Variants in TENM2 observed in about 807,000 individuals in gnomAD.
The protein encoded by TENM2 is teneurin transmembrane protein 2.
Under a neutral mutation model 245.2 loss-of-function variants are expected in TENM2, and 52 were observed. That is an observed-to-expected ratio of 0.21 (90% CI 0.17 to 0.27). TENM2 has a LOEUF of 0.27. TENM2 is among the 10% of genes least tolerant of loss of function. The pLI, the probability that TENM2 is intolerant of heterozygous loss-of-function variation, is 1.00. For missense variants in TENM2, 3,046 were observed against 3,666.8 expected (o/e 0.83, Z 4.37); for synonymous variants, 1,363 against 1,438.9 (o/e 0.95, Z 1.19).
At chr5:168,021,387 G>C (rs1439421019) in intron 5 of TENM2, among the ~76,000 whole-genome samples, 1 of 152,194 alleles carries the variant, frequency 6.6e-6, no homozygotes, top group Non-Finnish European at 1.5e-5. Context: ...CACCAAAGTG[G>C]AGTGACCCAT....
chr5:167,276,350 TTTTGTGTGTGTG>T, the TENM2 span, among the ~76,000 whole-genome samples: 3,177 of 143,660 alleles, frequency 0.022, 44 homozygotes, highest in Middle Eastern at 0.028. Context: ...AGCCTGTTCA[TTTTGTGTGTGTG>T]TGTGTGTGTG....
chr5:167,212,524 C>T, the TENM2 span, among the ~76,000 whole-genome samples: 3 of 152,158 alleles, frequency 2.0e-5, no homozygotes, highest in African/African-American at 4.8e-5. Context: ...AAATACAACA[C>T]CGTCCCTGTA....
chr5:167,292,330 C>T lies in TENM2; in HGVS notation c.226+7267C>T, dbSNP rs192217273. Among the ~76,000 whole-genome samples, 413 of 152,292 alleles carry T rather than the reference C, an allele frequency of 2.7e-3. 3 individuals carry two copies. Among genetic ancestry groups the T allele is most frequent in the African/African-American group, 9.4e-3 (389 of 41,570 alleles). ...CAAAATTTGTTTCCGTTTTTCATTT[C>T]TCAGCTTTGGGGAATGGTATCACAG... On this transcript the variant is annotated intron_variant, in intron 1 of 28. Transcript: ENST00000518659.
chr5:167,577,800 A>C (rs1347923195), intron 2 of TENM2, among the ~76,000 whole-genome samples: 2 of 152,180 alleles, frequency 1.3e-5, no homozygotes, highest in African/African-American at 4.8e-5. Flanking sequence ...CAACAACAAA[A>C]GATGCCTCTC....
rs373177663 is a variant in TENM2, at chr5:168,234,451, T to C, written c.5520+6321T>C. On this transcript the variant is annotated intron_variant, in intron 25 of 28. Transcript: ENST00000518659. ...ACAGGGAAGCCCTAGAAAAAAGAGGTGCCGTACCCAAAAAAGAAAGAAAGA... is the reference window on the plus strand; with the variant it reads ...ACAGGGAAGCCCTAGAAAAAAGAGGCGCCGTACCCAAAAAAGAAAGAAAGA... Among the ~76,000 whole-genome samples the C allele has an allele frequency of 2.6e-5, 4 of 151,962 alleles. 1 individual carries two copies. Among genetic ancestry groups the C allele is most frequent in the South Asian group, 4.2e-4 (2 of 4,790 alleles).
chr5:167,574,054 A>C (rs1774473081), intron 2 of TENM2: 1 of 152,152 alleles, frequency 6.6e-6, no homozygotes, highest in Non-Finnish European at 1.5e-5. Context: ...GGTTTGACCG[A>C]GTGGCTTAGT....
intron 2 of TENM2, among the ~76,000 whole-genome samples, chr5:167,551,008 C>T (rs180957357): frequency 1.3e-5 from 2 of 152,188 alleles, no homozygotes; most frequent in East Asian, 1.9e-4. Context: ...GGATTACAGG[C>T]GTGAGCCACC....
chr5:167,857,352 T>A (rs1487888299), intron 2 of TENM2, among the ~76,000 whole-genome samples: 3 of 152,254 alleles, frequency 2.0e-5, no homozygotes, highest in Non-Finnish European at 1.5e-5. Flanking sequence ...CAACGTCCTT[T>A]ACCTCTCTTC....
chr5:168,003,358 G>A (rs1784565205), intron 5 of TENM2, among the ~76,000 whole-genome samples: 1 of 148,710 alleles, frequency 6.7e-6, no homozygotes, highest in South Asian at 2.1e-4. Context: ...CCCAAAGCTG[G>A]CATAACTGTG....
At chr5:167,948,117 T>C (rs1054950764) in intron 3 of TENM2, among the ~76,000 whole-genome samples, 2 of 152,222 alleles carry the variant, frequency 1.3e-5, no homozygotes, top group Non-Finnish European at 2.9e-5. Context: ...ATATGTTGTT[T>C]AAAACGTGGG....
the TENM2 span, among the ~76,000 whole-genome samples, chr5:167,107,010 C>G: frequency 1.3e-5 from 2 of 150,648 alleles, no homozygotes; most frequent in South Asian, 4.2e-4. Flanking sequence ...TTTGGGAGGC[C>G]GAGGCAGGTG....
At chr5:167,105,520 C>T in the TENM2 span, among the ~76,000 whole-genome samples, 1 of 152,108 alleles carries the variant, frequency 6.6e-6, no homozygotes, top group African/African-American at 2.4e-5. Flanking sequence ...TGTTGGACAG[C>T]CTATGGTACT....
chr5:167,366,784 C>T (rs1442805486), intron 1 of TENM2, among the ~76,000 whole-genome samples: 1 of 152,118 alleles, frequency 6.6e-6, no homozygotes, highest in Non-Finnish European at 1.5e-5. Flanking sequence ...CTCTCTTTCC[C>T]TCTCTTTCTC....
At chr5:168,195,403 T>G in intron 15 of TENM2, 108 bp downstream of exon 17, 1 of 1,284,886 alleles carries the variant, frequency 7.8e-7, no homozygotes, top group Non-Finnish European at 1.1e-6. Context: ...TGGACTGGAA[T>G]GTCCACCAGG....
At chr5:167,927,899 A>G (rs1454928771) in intron 3 of TENM2, among the ~76,000 whole-genome samples, 1 of 152,184 alleles carries the variant, frequency 6.6e-6, no homozygotes, top group South Asian at 2.1e-4. Context: ...CCTGCTATAG[A>G]GAGGCTGATG....
chr5:167,421,601 A>C (rs1763510532), intron 2 of TENM2, among the ~76,000 whole-genome samples: 2 of 152,136 alleles, frequency 1.3e-5, no homozygotes, highest in South Asian at 4.1e-4. Context: ...TTGGCGACTA[A>C]TAAACTGGAT....
chr5:167,086,099 G>C, the TENM2 span, among the ~76,000 whole-genome samples: 1 of 152,160 alleles, frequency 6.6e-6, no homozygotes, highest in African/African-American at 2.4e-5. Flanking sequence ...ATGAAGCAGA[G>C]ATTTATCAAA....
chr5:167,350,224 C>A (rs1393459687), intron 1 of TENM2, among the ~76,000 whole-genome samples: 1 of 152,016 alleles, frequency 6.6e-6, no homozygotes, highest in Non-Finnish European at 1.5e-5. Flanking sequence ...TTGTTTGATA[C>A]AAAAATGAGT....
At chr5:167,875,029 T>C (rs1251878544) in intron 2 of TENM2, among the ~76,000 whole-genome samples, 1 of 152,184 alleles carries the variant, frequency 6.6e-6, no homozygotes, top group Non-Finnish European at 1.5e-5. Flanking sequence ...AGTTTTAGAG[T>C]ACCTTATTTT....
Sources: allele counts gnomAD v4.1 joint callset (sites outside exome capture counted in the v4.1 genomes callset), GRCh38; gene constraint gnomAD v4.1.1; transcripts MANE v1.5; gene names NCBI Gene and HGNC (gene_info 2026-07-23, HGNC 2026-07-21).